Variants in GRIK1 observed in about 807,000 individuals in gnomAD.
GRIK1 encodes the protein glutamate receptor ionotropic, kainate 1.
Under a neutral mutation model 105.7 loss-of-function variants are expected in GRIK1, and 69 were observed. That is an observed-to-expected ratio of 0.65 (90% CI 0.54 to 0.80). The LOEUF is 0.80. GRIK1 is among the 30% of genes least tolerant of loss of function. The pLI, the probability that GRIK1 is intolerant of heterozygous loss-of-function variation, is 0.00. For missense variants in GRIK1, 1,109 were observed against 1,167.3 expected (o/e 0.95, Z 0.73); for synonymous variants, 438 against 431.3 (o/e 1.02, Z -0.19).
Position 29,561,627 on chromosome 21 carries a change from T to C in GRIK1, c.2353A>G (p.Ile785Val). 6.3e-7 allele frequency: 1 copy of C among 1,596,220 alleles called. No homozygotes were observed. The highest frequency in any genetic ancestry group is 8.6e-7 in the Non-Finnish European group (1 of 1,163,720). Residue 785 changes from isoleucine (I) to valine (V), a missense_variant, in exon 15 of 18, where the codon ATT (isoleucine) becomes GTT (valine). By Grantham distance (29) the Ile-to-Val change is conservative. Transcript: ENST00000327783. ...DSKGYGVGTP[I>V]GSPYRDKITI... ...GGTTCATGTCTACCCGTCTTACCAA[T>C]AGGTGTTCCCACTCCGTAACCTTTG...
intron 1 of GRIK1, among the ~76,000 whole-genome samples, chr21:29,895,064 G>T (rs1309961871): frequency 2.0e-5 from 3 of 152,164 alleles, no homozygotes; most frequent in Admixed American, 6.6e-5. Flanking sequence ...TAATAGTGGT[G>T]GTGGCAGGGG....
At chr21:29,794,697 G>A (rs1471518362) in intron 1 of GRIK1, among the ~76,000 whole-genome samples, 2 of 152,138 alleles carry the variant, frequency 1.3e-5, no homozygotes, top group African/African-American at 4.8e-5. Context: ...ATGTAGTTGG[G>A]TTTCTTGGGC....
At chr21:29,739,506 T>C (rs1480399720) in intron 1 of GRIK1, among the ~76,000 whole-genome samples, 1 of 152,166 alleles carries the variant, frequency 6.6e-6, no homozygotes, top group East Asian at 1.9e-4. Context: ...TGAAGAAGTC[T>C]AGGGAGAGAT....
intron 7 of GRIK1, among the ~76,000 whole-genome samples, chr21:29,631,388 G>A (rs1023991225): frequency 3.3e-5 from 5 of 152,204 alleles, no homozygotes; most frequent in African/African-American, 9.7e-5. Flanking sequence ...ACATACAGCA[G>A]TGCTGCTTCT....
intron 1 of GRIK1, among the ~76,000 whole-genome samples, chr21:29,770,349 G>T (rs1004329170): frequency 6.6e-6 from 1 of 152,210 alleles, no homozygotes; most frequent in Non-Finnish European, 1.5e-5. Context: ...CTGATGCTCT[G>T]CTTCCTTCCA....
intron 1 of GRIK1, among the ~76,000 whole-genome samples, chr21:29,878,438 T>A (rs1203721409): frequency 6.6e-6 from 1 of 152,076 alleles, no homozygotes. Flanking sequence ...AACCTTCAGG[T>A]GGAGCACCTC....
chr21:29,762,912 T>G (rs1321874031), intron 1 of GRIK1, among the ~76,000 whole-genome samples: 1 of 152,238 alleles, frequency 6.6e-6, no homozygotes, highest in Non-Finnish European at 1.5e-5. Context: ...TCTTCTGAAG[T>G]CCTAAGATTC....
At chr21:29,844,811 C>T (rs901560749) in intron 1 of GRIK1, among the ~76,000 whole-genome samples, 2 of 152,130 alleles carry the variant, frequency 1.3e-5, no homozygotes, top group African/African-American at 4.8e-5. Flanking sequence ...GTTGATTGAT[C>T]TTGGCTCTAT....
chr21:29,583,274 G>A (rs1005618639), intron 12 of GRIK1, among the ~76,000 whole-genome samples: 1 of 152,086 alleles, frequency 6.6e-6, no homozygotes, highest in African/African-American at 2.4e-5. Context: ...CACTCTTATA[G>A]CCATAGTAGT....
intron 1 of GRIK1, among the ~76,000 whole-genome samples, chr21:29,822,987 T>C (rs929595955): frequency 6.6e-6 from 1 of 151,970 alleles, no homozygotes; most frequent in Non-Finnish European, 1.5e-5. Context: ...GAAAAGGGCA[T>C]GGAACTTGAC....
intron 1 of GRIK1, among the ~76,000 whole-genome samples, chr21:29,815,756 C>T (rs559321930): frequency 2.2e-4 from 33 of 152,032 alleles, no homozygotes; most frequent in African/African-American, 7.7e-4. Flanking sequence ...CAACTATCAC[C>T]GGTCAATAGA....
At chr21:29,805,942 T>C (rs1360947595) in intron 1 of GRIK1, among the ~76,000 whole-genome samples, 1 of 152,120 alleles carries the variant, frequency 6.6e-6, no homozygotes, top group Non-Finnish European at 1.5e-5. Flanking sequence ...TATTAATAAC[T>C]AGGAGTTGTG....
chr21:29,602,975 A>G (rs1027019429), intron 7 of GRIK1, among the ~76,000 whole-genome samples: 3 of 152,148 alleles, frequency 2.0e-5, no homozygotes, highest in African/African-American at 7.2e-5. Flanking sequence ...AACAAAATGT[A>G]TACAGTCATA....
intron 13 of GRIK1, among the ~76,000 whole-genome samples, chr21:29,580,427 G>C (rs2091002400): frequency 6.6e-6 from 1 of 151,798 alleles, no homozygotes; most frequent in Non-Finnish European, 1.5e-5. Flanking sequence ...TGCGTAACTA[G>C]GATTTTCCCA....
At chr21:29,904,572 C>T (rs573802862) in intron 1 of GRIK1, among the ~76,000 whole-genome samples, 1 of 152,290 alleles carries the variant, frequency 6.6e-6, no homozygotes, top group South Asian at 2.1e-4. Flanking sequence ...ATGACTCACG[C>T]TTCTCAGACC....
At chr21:29,666,603 G>C (rs1245467472) in intron 4 of GRIK1, among the ~76,000 whole-genome samples, 1 of 151,988 alleles carries the variant, frequency 6.6e-6, no homozygotes, top group Non-Finnish European at 1.5e-5. Context: ...CCTTCAATCA[G>C]TGCTCAACAA....
chr21:29,678,123 A>G (rs1017534299), intron 3 of GRIK1, among the ~76,000 whole-genome samples: 1 of 152,184 alleles, frequency 6.6e-6, no homozygotes, highest in African/African-American at 2.4e-5. Context: ...CAAATTTTAA[A>G]TGTTAATTTC....
intron 14 of GRIK1, among the ~76,000 whole-genome samples, chr21:29,575,042 T>C (rs1412101144): frequency 1.3e-5 from 2 of 152,194 alleles, no homozygotes; most frequent in African/African-American, 4.8e-5. Context: ...AAAATCTTTT[T>C]TAACACAGAA....
chr21:29,896,380 C>T (rs1313406890), intron 1 of GRIK1, among the ~76,000 whole-genome samples: 1 of 152,178 alleles, frequency 6.6e-6, no homozygotes. Flanking sequence ...GCATTTATTG[C>T]AACTTAATAT....
Sources: gnomAD v4.1 joint callset for allele counts (sites outside exome capture counted in the v4.1 genomes callset) on GRCh38, gnomAD v4.1.1 for gene constraint, MANE v1.5 for transcripts, NCBI Gene and HGNC (gene_info 2026-07-23, HGNC 2026-07-21) for gene names.